The following MGAT4D variants were observed in gnomAD, a reference collection of about 807,000 sequenced individuals.
MGAT4D encodes alpha-1,3-mannosyl-glycoprotein 4-beta-N-acetylglucosaminyltransferase-like protein MGAT4D.
MGAT4D carries 34 observed loss-of-function variants against 15.9 expected under a neutral mutation model. The observed-to-expected ratio is 2.14, with a 90% CI of 1.62 to 2.84. The LOEUF (loss-of-function observed/expected upper bound fraction) is 2.84. Among genes scored for constraint, MGAT4D ranks in the 30% most tolerant of loss-of-function variants. The pLI is 0.00. For synonymous variants in MGAT4D, 112 were observed against 48.2 expected (o/e 2.33, Z -5.49); for missense variants, 327 against 140.2 (o/e 2.33, Z -6.73).
intron 1 of MGAT4D, among the ~76,000 whole-genome samples, chr4:140,497,888 G>A (rs948240978): frequency 1.3e-5 from 2 of 152,216 alleles, no homozygotes; most frequent in African/African-American, 2.4e-5. Context: ...GTTAGCGCGC[G>A]TGCAGGCCGG....
intron 1 of MGAT4D, among the ~76,000 whole-genome samples, chr4:140,496,809 C>T (rs982366962): frequency 6.6e-6 from 1 of 152,034 alleles, no homozygotes; most frequent in Non-Finnish European, 1.5e-5. Context: ...ACACTCCAGC[C>T]TGGGCAACAA....
At chr4:140,471,408 C>T (rs17006008) in intron 5 of MGAT4D, among the ~76,000 whole-genome samples, 2,161 of 152,154 alleles carry the variant, frequency 0.014, 26 homozygotes, top group South Asian at 0.045. Context: ...TTAATCCGTA[C>T]GTGCTTCGGC....
At chr4:140,456,053 C>T (rs764289584) in intron 9 of MGAT4D, among the ~76,000 whole-genome samples, 1 of 152,118 alleles carries the variant, frequency 6.6e-6, no homozygotes, top group Non-Finnish European at 1.5e-5. Flanking sequence ...GGGAGGATCA[C>T]CTGAGCCCAG....
At chr4:140,453,296 C>T (rs2126687227) in intron 9 of MGAT4D, among the ~76,000 whole-genome samples, 1 of 151,960 alleles carries the variant, frequency 6.6e-6, no homozygotes, top group East Asian at 1.9e-4. Context: ...CAAAAAATTC[C>T]TGCTGAGATT....
chr4:140,489,098 G>A (rs771991397), intron 1 of MGAT4D, among the ~76,000 whole-genome samples: 8 of 152,150 alleles, frequency 5.3e-5, no homozygotes, highest in South Asian at 2.1e-4. Flanking sequence ...GGGAACGTAC[G>A]TAAGTCACTC....
intron 7 of MGAT4D, among the ~76,000 whole-genome samples, chr4:140,460,935 T>C (rs938255206): frequency 1.3e-5 from 2 of 152,154 alleles, no homozygotes; most frequent in African/African-American, 4.8e-5. Flanking sequence ...CTCCAGATAG[T>C]TCCCAGCAAA....
chr4:140,481,787 G>A (rs1310073894), intron 2 of MGAT4D, among the ~76,000 whole-genome samples: 1 of 152,194 alleles, frequency 6.6e-6, no homozygotes, highest in Non-Finnish European at 1.5e-5. Context: ...TGGTTGCCAG[G>A]GATTAAGAGT....
intron 6 of MGAT4D, among the ~76,000 whole-genome samples, chr4:140,464,254 T>C (rs1398053661): frequency 6.6e-6 from 1 of 152,236 alleles, no homozygotes; most frequent in African/African-American, 2.4e-5. Flanking sequence ...TTTTTCTTTA[T>C]TAAGTTTTGA....
Position 140,490,234 on chromosome 4 carries a change from C to T in MGAT4D, c.95-7749G>A, listed in dbSNP as rs1344186518. ...CTTCTTTGCTGATATTGATAAACCA[C>T]AAGACCAGCCCAAACCAGACCTACT... On this transcript the variant is annotated intron_variant, in intron 1 of 10. Transcript: ENST00000511113. Among the ~76,000 whole-genome samples, 3 of 152,164 alleles carry T rather than the reference C, an allele frequency of 2.0e-5. No individual in the cohort carries two copies. In the East Asian group the frequency reaches 5.8e-4, roughly 29 times the overall value.
chr4:140,464,298 C>T (rs1345728039), intron 6 of MGAT4D, among the ~76,000 whole-genome samples: 5 of 152,164 alleles, frequency 3.3e-5, no homozygotes, highest in Non-Finnish European at 7.4e-5. Context: ...ATAATACTTA[C>T]CACACTAATA....
intron 6 of MGAT4D, among the ~76,000 whole-genome samples, chr4:140,464,494 A>G (rs1376354355): frequency 6.6e-6 from 1 of 152,206 alleles, no homozygotes; most frequent in Non-Finnish European, 1.5e-5. Flanking sequence ...AGCAAACAGT[A>G]CAGCTGGGAC....
rs773782539 is a variant in MGAT4D, at chr4:140,498,199, C to T, written c.24G>A (p.Leu8=). Residue 8 remains leucine (L), a synonymous_variant, in exon 1 of 11, where the codon TTG becomes TTA. Coordinates refer to ENST00000511113, the MANE Select transcript of MGAT4D (RefSeq NM_001277353.2). MRTKQVN[L]LITLVAVALF... ...ACGCGACGGCGACCAGGGTGATCAG[C>T]AAGTTCACCTGCTTGGTCCTCATGG... 69 of 702,426 alleles carry T rather than the reference C, an allele frequency of 9.8e-5. 1 individual carries two copies. Among genetic ancestry groups the T allele is most frequent in the Non-Finnish European group, 1.7e-4 (65 of 384,684 alleles). 43.5% of individuals were successfully genotyped at this position (702,426 alleles called of 1,614,324 possible).
intron 1 of MGAT4D, among the ~76,000 whole-genome samples, chr4:140,497,430 T>A (rs1733908602): frequency 6.6e-6 from 1 of 152,376 alleles, no homozygotes; most frequent in East Asian, 1.9e-4. Context: ...TGCAATTTTT[T>A]ATACTAATAT....
chr4:140,447,867 C>A (rs76096808), intron 10 of MGAT4D, among the ~76,000 whole-genome samples: 2,257 of 152,262 alleles, frequency 0.015, 19 homozygotes, highest in Non-Finnish European at 0.025. Flanking sequence ...ATAGTTAGTG[C>A]TCCTTTCAGG....
At position 140,457,217 on chromosome 4, in the gene MGAT4D, T is replaced by C. The variant is rs567086044; in HGVS notation, c.878-498A>G. 19 of 152,186 alleles carry C rather than the reference T, an allele frequency of 1.2e-4. No individual in the cohort carries two copies. In the East Asian group the frequency reaches 2.5e-3, roughly 20 times the overall value. 9.4% of individuals were successfully genotyped at this position (152,186 alleles called of 1,614,324 possible). ...TTTATATTTGTTATTCTTAAAGATTTACTATATTTTTAAATATTATTCCAT... is the reference window on the plus strand; with the variant it reads ...TTTATATTTGTTATTCTTAAAGATTCACTATATTTTTAAATATTATTCCAT... On this transcript the variant is annotated intron_variant, in intron 8 of 10. Coordinates refer to ENST00000511113, the MANE Select transcript of MGAT4D (RefSeq NM_001277353.2).
At chr4:140,492,208 G>A (rs773993215) in intron 1 of MGAT4D, among the ~76,000 whole-genome samples, 1 of 152,084 alleles carries the variant, frequency 6.6e-6, no homozygotes, top group African/African-American at 2.4e-5. Flanking sequence ...CACAAGCCAC[G>A]AGGAGAGGCT....
At position 140,453,294 on chromosome 4, in the gene MGAT4D, T is replaced by C. The variant is rs368948429; in HGVS notation, c.1009-1777A>G. Among the ~76,000 whole-genome samples the C allele has an allele frequency of 5.9e-5, 9 of 152,178 alleles. No individual in the cohort carries two copies. The East Asian group carries it at 9.7e-4, about 16-fold the overall frequency. On this transcript the variant is annotated intron_variant, in intron 9 of 10. Coordinates refer to ENST00000511113, the MANE Select transcript of MGAT4D (RefSeq NM_001277353.2). Reference sequence around the variant, plus strand: ...TTTGGTAGAATATCTACCAAAAAATTCCTGCTGAGATTTTGATTAGAATTG... The same window carrying C: ...TTTGGTAGAATATCTACCAAAAAATCCCTGCTGAGATTTTGATTAGAATTG...
At chr4:140,459,686 T>C (rs1326794859) in intron 7 of MGAT4D, 60 bp from the exon 8 acceptor site, 10 of 373,846 alleles carry the variant, frequency 2.7e-5, no homozygotes, top group Non-Finnish European at 4.8e-5. Context: ...AGTAAAGCTA[T>C]ATTAGCTTGA....
chr4:140,454,823 G>T (rs1730693507), intron 9 of MGAT4D, among the ~76,000 whole-genome samples: 1 of 152,080 alleles, frequency 6.6e-6, no homozygotes, highest in South Asian at 2.1e-4. Context: ...AGTTTTGATA[G>T]CTTACAATTT....
Sources: gnomAD v4.1 joint callset for allele counts (sites outside exome capture counted in the v4.1 genomes callset) on GRCh38, gnomAD v4.1.1 for gene constraint, MANE v1.5 for transcripts, NCBI Gene and HGNC (gene_info 2026-07-23, HGNC 2026-07-21) for gene names.